TASP1: variants seen among roughly 807,000 people sequenced by gnomAD.
TASP1 encodes taspase 1, also known as threonine aspartase 1.
TASP1 carries 16 observed loss-of-function variants against 56.6 expected under a neutral mutation model. That is an observed-to-expected ratio of 0.28 (90% CI 0.19 to 0.43). The LOEUF (loss-of-function observed/expected upper bound fraction) is 0.43. Ranked by LOEUF, TASP1 falls within the 20% of genes least tolerant of loss-of-function variation. The pLI is 1.00. For missense variants in TASP1, 393 were observed against 511.6 expected, an observed-to-expected ratio of 0.77 and a Z score of 2.24; for synonymous variants, 179 against 184.2, an observed-to-expected ratio of 0.97 and a Z score of 0.23.
chr20:13,190,644 T>G, the TASP1 span, among the ~76,000 whole-genome samples: 3 of 152,124 alleles, frequency 2.0e-5, no homozygotes. Context: ...AAGAAAACAT[T>G]GGGTAAACAC....
At chr20:13,241,496 T>C in the TASP1 span, among the ~76,000 whole-genome samples, 1 of 152,110 alleles carries the variant, frequency 6.6e-6, no homozygotes, top group Non-Finnish European at 1.5e-5. Context: ...AGCATTGGCC[T>C]TTCACAGAAG....
In TASP1 at chr20:13,390,151, C is replaced by T. The variant is rs6042062; in HGVS notation, c.*209G>A. On this transcript the variant is annotated 3_prime_UTR_variant, in exon 14 of 14. Coordinates refer to ENST00000337743, the MANE Select transcript of TASP1 (RefSeq NM_017714.3). ...ACATACACATATGTGCGCACATACG[C>T]GCACACACTCACACACAGTCCCGCT... 3,464 of 529,990 alleles carry T rather than the reference C, an allele frequency of 6.5e-3. 107 individuals carry two copies. Among genetic ancestry groups the T allele is most frequent in the African/African-American group, 0.058 (3,016 of 52,178 alleles). 32.8% of individuals were successfully genotyped at this position (529,990 alleles called of 1,614,324 possible).
intron 11 of TASP1, among the ~76,000 whole-genome samples, chr20:13,465,541 G>A (rs59299264): frequency 1.3e-5 from 2 of 151,738 alleles, no homozygotes; most frequent in African/African-American, 4.8e-5. Context: ...TTATAATACT[G>A]AAAATAAATT....
the TASP1 span, among the ~76,000 whole-genome samples, chr20:13,124,812 G>T: frequency 6.6e-6 from 1 of 152,182 alleles, no homozygotes; most frequent in African/African-American, 2.4e-5. Flanking sequence ...GCAGGGACCA[G>T]GCCCAGGCTC....
the TASP1 span, among the ~76,000 whole-genome samples, chr20:13,238,625 G>A: frequency 6.6e-6 from 1 of 152,140 alleles, no homozygotes; most frequent in Non-Finnish European, 1.5e-5. Context: ...ATCAGAAAAT[G>A]AAGAATGTTA....
chr20:13,614,320 T>G (rs2048448050), intron 4 of TASP1, among the ~76,000 whole-genome samples: 1 of 151,824 alleles, frequency 6.6e-6, no homozygotes. Flanking sequence ...AAAGACAACA[T>G]ACTTCATTTA....
At chr20:13,294,390 A>G in the TASP1 span, among the ~76,000 whole-genome samples, 1 of 152,148 alleles carries the variant, frequency 6.6e-6, no homozygotes, top group African/African-American at 2.4e-5. Context: ...AATAGAAATG[A>G]CTTTAAAGGC....
chr20:13,452,802 T>A (rs1278359503), intron 11 of TASP1, among the ~76,000 whole-genome samples: 1 of 152,116 alleles, frequency 6.6e-6, no homozygotes, highest in Non-Finnish European at 1.5e-5. Flanking sequence ...AACATCATGG[T>A]GCTGAGCAAA....
the TASP1 span, among the ~76,000 whole-genome samples, chr20:13,181,498 T>C: frequency 0.02 from 2,990 of 152,270 alleles, 56 homozygotes; most frequent in South Asian, 0.031. Context: ...TCTATGGTCT[T>C]ATAGGAGTCA....
intron 7 of TASP1, among the ~76,000 whole-genome samples, chr20:13,569,257 T>C (rs1248106714): frequency 1.3e-5 from 2 of 152,118 alleles, no homozygotes; most frequent in African/African-American, 4.8e-5. Flanking sequence ...GTAGTAATTA[T>C]TTTAAGTAAT....
chr20:13,241,651 A>G, the TASP1 span, among the ~76,000 whole-genome samples: 1 of 152,174 alleles, frequency 6.6e-6, no homozygotes, highest in Admixed American at 6.5e-5. Flanking sequence ...GGGCAGGAGC[A>G]CAAGTAGGAC....
At chr20:13,635,958 T>A (rs115685374) in intron 1 of TASP1, among the ~76,000 whole-genome samples, 45 of 152,218 alleles carry the variant, frequency 3.0e-4, no homozygotes, top group African/African-American at 1.1e-3. Context: ...TTACACCACT[T>A]TGAAAACTAC....
At chr20:13,128,270 G>A in the TASP1 span, among the ~76,000 whole-genome samples, 1 of 152,220 alleles carries the variant, frequency 6.6e-6, no homozygotes, top group South Asian at 2.1e-4. Flanking sequence ...TGACAGAAGT[G>A]AAGTAGGACT....
At chr20:13,491,335 C>T (rs572380108) in intron 10 of TASP1, among the ~76,000 whole-genome samples, 7 of 152,266 alleles carry the variant, frequency 4.6e-5, no homozygotes, top group African/African-American at 1.7e-4. Flanking sequence ...TATTCTCCAA[C>T]AGGTTTATTG....
chr20:13,565,191 T>C (rs147313207), intron 7 of TASP1, among the ~76,000 whole-genome samples: 1 of 151,956 alleles, frequency 6.6e-6, no homozygotes. Flanking sequence ...GACAACCACA[T>C]GCAAAGGAAT....
chr20:13,500,784 G>A lies in TASP1; in HGVS notation c.875-17447C>T, dbSNP rs77134845. On this transcript the variant is annotated intron_variant, in intron 10 of 13. Transcript: ENST00000337743. ...TATCCAATGTCTGTAGAACAATATCGAATGCATATAACCGCAGCCCTAGAA... is the reference window on the plus strand; with the variant it reads ...TATCCAATGTCTGTAGAACAATATCAAATGCATATAACCGCAGCCCTAGAA... Among the ~76,000 whole-genome samples, 1,034 of 152,024 alleles carry A rather than the reference G, an allele frequency of 6.8e-3. 12 individuals carry two copies. The highest frequency in any genetic ancestry group is 0.024 in the African/African-American group (981 of 41,518).
At chr20:13,400,888 C>G in intron 13 of TASP1, among the ~76,000 whole-genome samples, 1 of 152,160 alleles carries the variant, frequency 6.6e-6, no homozygotes. Context: ...AGAACAAGCA[C>G]TCCAAGATGA....
intron 8 of TASP1, among the ~76,000 whole-genome samples, chr20:13,540,680 G>A (rs2045588184): frequency 6.6e-6 from 1 of 152,162 alleles, no homozygotes; most frequent in Non-Finnish European, 1.5e-5. Context: ...AAACTATGGT[G>A]AAAAAGAATC....
At chr20:13,394,445 C>T (rs2041439771) in intron 13 of TASP1, among the ~76,000 whole-genome samples, 1 of 151,364 alleles carries the variant, frequency 6.6e-6, no homozygotes. Flanking sequence ...CCCGTCTCTA[C>T]TAAAAATACA....
Sources: allele counts gnomAD v4.1 joint callset (sites outside exome capture counted in the v4.1 genomes callset), GRCh38; gene constraint gnomAD v4.1.1; transcripts MANE v1.5; gene names NCBI Gene and HGNC (gene_info 2026-07-23, HGNC 2026-07-21).